ZFYVE9: variants seen among roughly 807,000 people sequenced by gnomAD.
ZFYVE9 encodes zinc finger FYVE domain-containing protein 9.
In ZFYVE9, 43 loss-of-function variants were observed where a neutral mutation model predicts 126.7. The ratio of observed to expected loss-of-function variants is 0.34; its 90% CI spans 0.27 to 0.44. ZFYVE9 has a LOEUF of 0.44. Among genes scored for constraint, ZFYVE9 ranks in the 20% least tolerant of loss-of-function variants. The pLI is 1.00. For synonymous variants in ZFYVE9, 521 were observed against 597.4 expected, an observed-to-expected ratio of 0.87 and a Z score of 1.87; for missense variants, 1,476 against 1,697.0, an observed-to-expected ratio of 0.87 and a Z score of 2.29.
chr1:52,174,378 A>G (rs1162911635), intron 1 of ZFYVE9, among the ~76,000 whole-genome samples: 2 of 151,714 alleles, frequency 1.3e-5, no homozygotes, highest in Admixed American at 1.3e-4. Context: ...ACAGTTTGTT[A>G]TAATTTCTGT....
rs762028653 is a variant in ZFYVE9, at chr1:52,295,988, A to G, written c.3333+11A>G. The G allele has an allele frequency of 6.2e-7, 1 of 1,611,528 alleles. No homozygotes were observed. Among genetic ancestry groups the G allele is most frequent in the Admixed American group, 1.7e-5 (1 of 59,664 alleles). On this transcript the variant is annotated intron_variant, in intron 12 of 18. Transcript: ENST00000287727. ...ATGAATCTTCTTGCAGTAAGTTGGGAATTTTTTTTCCTTTGTCCTTACTGG... is the reference window on the plus strand; with the variant it reads ...ATGAATCTTCTTGCAGTAAGTTGGGGATTTTTTTTCCTTTGTCCTTACTGG...
intron 1 of ZFYVE9, among the ~76,000 whole-genome samples, chr1:52,191,480 T>C (rs762772097): frequency 6.6e-6 from 1 of 152,228 alleles, no homozygotes; most frequent in Non-Finnish European, 1.5e-5. Flanking sequence ...TGGAGTCCTT[T>C]TACTGATACT....
chr1:52,230,852 C>G (rs994504179), intron 2 of ZFYVE9, among the ~76,000 whole-genome samples: 2 of 152,178 alleles, frequency 1.3e-5, no homozygotes, highest in African/African-American at 2.4e-5. Flanking sequence ...CTTGCTGTCT[C>G]CTGTGCTGTT....
At chr1:52,236,800 CAT>C (rs1164000269) in intron 3 of ZFYVE9, among the ~76,000 whole-genome samples, 4 of 152,116 alleles carry the variant, frequency 2.6e-5, no homozygotes, top group Admixed American at 6.6e-5. Flanking sequence ...CTTTTTTTAA[CAT>C]GTGTTGGGCA....
intron 10 of ZFYVE9, among the ~76,000 whole-genome samples, chr1:52,286,840 T>C (rs17364171): frequency 0.059 from 8,926 of 152,218 alleles, 297 homozygotes; most frequent in African/African-American, 0.077. Flanking sequence ...CTGCTAGTCA[T>C]CTCTCCATAC....
intron 1 of ZFYVE9, among the ~76,000 whole-genome samples, chr1:52,199,983 T>C (rs1235445047): frequency 6.6e-6 from 1 of 151,988 alleles, no homozygotes; most frequent in African/African-American, 2.4e-5. Context: ...GTACCTTCTT[T>C]GGTGAAGTGT....
intron 5 of ZFYVE9, among the ~76,000 whole-genome samples, chr1:52,264,351 T>C (rs924954364): frequency 2.0e-5 from 3 of 152,216 alleles, no homozygotes; most frequent in Non-Finnish European, 4.4e-5. Context: ...TAGGACCAAG[T>C]AGAAAATTGC....
intron 1 of ZFYVE9, among the ~76,000 whole-genome samples, chr1:52,147,858 C>T (rs777150319): frequency 1.2e-4 from 18 of 152,268 alleles, no homozygotes; most frequent in African/African-American, 3.6e-4. Context: ...AATTTCTTCA[C>T]GTCCTCACCA....
At chr1:52,263,911 C>G in intron 5 of ZFYVE9, 39 bp downstream of exon 5, 1 of 1,383,096 alleles carries the variant, frequency 7.2e-7, no homozygotes, top group Non-Finnish European at 1.0e-6. Flanking sequence ...GTTATTGAGA[C>G]AAAACAAGGG....
intron 14 of ZFYVE9, among the ~76,000 whole-genome samples, chr1:52,333,970 G>A (rs992243305): frequency 6.6e-6 from 1 of 152,048 alleles, no homozygotes; most frequent in African/African-American, 2.4e-5. Flanking sequence ...GCACATGCCT[G>A]TAGTCCCAGC....
intron 4 of ZFYVE9, among the ~76,000 whole-genome samples, chr1:52,259,542 CT>C: frequency 6.6e-6 from 1 of 151,104 alleles, no homozygotes; most frequent in African/African-American, 2.4e-5. Flanking sequence ...AATCCCAGCA[CT>C]TTGGGAGGCC....
At chr1:52,242,776 T>G (rs1434156942) in intron 4 of ZFYVE9, among the ~76,000 whole-genome samples, 1 of 152,210 alleles carries the variant, frequency 6.6e-6, no homozygotes, top group Middle Eastern at 3.2e-3. Context: ...ATTCACAGTT[T>G]CCCTCATACT....
rs376946011 is a variant in ZFYVE9, at chr1:52,186,533, A to G, written c.-142-29836A>G. On this transcript the variant is annotated intron_variant, in intron 1 of 18. Coordinates refer to ENST00000287727, the MANE Select transcript of ZFYVE9 (RefSeq NM_004799.4). ...AAGAAAAGAAGTAAAACTATCATCC[A>G]TGTTGGCAGATGACATGATTCTATA... Among the ~76,000 whole-genome samples, 5 of 152,288 alleles carry G rather than the reference A, an allele frequency of 3.3e-5. No individual in the cohort carries two copies. In the East Asian group the frequency reaches 9.7e-4, roughly 29 times the overall value.
chr1:52,267,317 G>A (rs956464697), intron 6 of ZFYVE9, among the ~76,000 whole-genome samples: 2 of 151,904 alleles, frequency 1.3e-5, no homozygotes, highest in Non-Finnish European at 2.9e-5. Context: ...TTTGTGTTAG[G>A]GACATAGACT....
chr1:52,267,300 G>A (rs570120807), intron 6 of ZFYVE9, among the ~76,000 whole-genome samples: 2 of 152,194 alleles, frequency 1.3e-5, no homozygotes, highest in East Asian at 3.9e-4. Context: ...ATAAAAATAT[G>A]AACATTTTTG....
Position 52,287,071 on chromosome 1 carries a change from A to C in ZFYVE9, c.3025+5255A>C, listed in dbSNP as rs1298309676. The stretch of plus-strand genomic sequence containing the variant: ...GAAGTAGTCTCTTCTGAACTCCCTT[A>C]ATCTTTTATTTTTAATTTAATTAAT... On this transcript the variant is annotated intron_variant, in intron 10 of 18. Coordinates refer to ENST00000287727, the MANE Select transcript of ZFYVE9 (RefSeq NM_004799.4). Among the ~76,000 whole-genome samples the C allele has an allele frequency of 2.0e-5, 3 of 151,672 alleles. No homozygotes were observed. In the East Asian group the frequency reaches 5.8e-4, roughly 29 times the overall value.
chr1:52,227,079 A>G (rs1645177264), intron 2 of ZFYVE9, among the ~76,000 whole-genome samples: 1 of 152,198 alleles, frequency 6.6e-6, no homozygotes. Context: ...TGATTACACT[A>G]CTCACTAATG....
At chr1:52,207,962 T>C (rs1227623250) in intron 1 of ZFYVE9, among the ~76,000 whole-genome samples, 1 of 152,244 alleles carries the variant, frequency 6.6e-6, no homozygotes, top group Non-Finnish European at 1.5e-5. Context: ...ATAGTTTTCA[T>C]ATAAAGTGTA....
intron 13 of ZFYVE9, among the ~76,000 whole-genome samples, chr1:52,318,729 G>C (rs1199683628): frequency 1.3e-5 from 2 of 151,946 alleles, no homozygotes; most frequent in African/African-American, 4.8e-5. Context: ...AGTTAGCAAA[G>C]TCGTGAGATT....
Sources: allele counts gnomAD v4.1 joint callset (sites outside exome capture counted in the v4.1 genomes callset), GRCh38; gene constraint gnomAD v4.1.1; transcripts MANE v1.5; gene names NCBI Gene and HGNC (gene_info 2026-07-23, HGNC 2026-07-21).